Variants in DMXL1 observed in about 807,000 individuals in gnomAD.
DMXL1 encodes the protein dmX-like protein 1.
A neutral mutation model predicts 319.2 loss-of-function variants in DMXL1; 99 were observed. The observed-to-expected ratio is 0.31, with a 90% CI of 0.26 to 0.37. DMXL1 has a LOEUF of 0.37. DMXL1 is among the 10% of genes least tolerant of loss of function. The pLI is 1.00. For missense variants in DMXL1, 3,745 were observed against 3,595.6 expected, an observed-to-expected ratio of 1.04 and a Z score of -1.06; for synonymous variants, 1,385 against 1,235.2, an observed-to-expected ratio of 1.12 and a Z score of -2.54.
Position 119,149,877 on chromosome 5 carries a change from T to C in DMXL1, c.4050T>C (p.Val1350=), listed in dbSNP as rs1423778252. 4 of 1,613,810 alleles carry C rather than the reference T, an allele frequency of 2.5e-6. No homozygotes were observed. The African/African-American group carries it at 5.3e-5, about 22-fold the overall frequency. Residue 1350 remains valine, a synonymous_variant, in exon 18 of 44, where the codon GTT becomes GTC. Transcript: ENST00000539542. ...RRAKAILSHL[V]KCIAGEVVAL... is the part of the protein sequence containing the mutation. ...CCAAGGCCATCTTGTCCCATCTTGT[T>C]AAGTGCATTGCTGGGGAAGTTGTGG...
chr5:119,198,032 G>A (rs903881582), intron 32 of DMXL1, 76 bp downstream of exon 32: 81 of 1,414,076 alleles, frequency 5.7e-5, no homozygotes, highest in Middle Eastern at 3.6e-4. Flanking sequence ...TCTGTCATCC[G>A]GGCTGGAGTG....
chr5:119,235,278 A>G (rs1787536681), intron 39 of DMXL1, among the ~76,000 whole-genome samples: 1 of 152,204 alleles, frequency 6.6e-6, no homozygotes, highest in Admixed American at 6.6e-5. Context: ...CTAATTCCTC[A>G]GAGATTCAAG....
chr5:119,151,863 A>T (rs1426878621), intron 18 of DMXL1, 66 bp from the exon 19 acceptor site: 1 of 951,244 alleles, frequency 1.1e-6, no homozygotes, highest in East Asian at 2.4e-5. Flanking sequence ...TTATATGCCT[A>T]TATTGGGTGT....
chr5:119,193,010 A>G (rs562594503), intron 29 of DMXL1, among the ~76,000 whole-genome samples: 1 of 152,066 alleles, frequency 6.6e-6, no homozygotes, highest in Non-Finnish European at 1.5e-5. Flanking sequence ...TAAATCTACT[A>G]CTTGTCTCTA....
intron 13 of DMXL1, chr5:119,138,732 G>A (rs1561692946): frequency 6.6e-6 from 1 of 152,188 alleles, no homozygotes. Context: ...AGCTACCTGG[G>A]AGGCTGAGGC....
At chr5:119,110,032 A>C (rs1039907466) in intron 4 of DMXL1, 119 bp from the exon 5 acceptor site, 28 of 878,610 alleles carry the variant, frequency 3.2e-5, no homozygotes, top group Non-Finnish European at 4.8e-5. Context: ...TCCGTTCTTC[A>C]AAATTTTTTT....
intron 1 of DMXL1, among the ~76,000 whole-genome samples, chr5:119,076,136 T>G (rs1580538587): frequency 1.3e-5 from 2 of 152,304 alleles, no homozygotes; most frequent in South Asian, 4.1e-4. Flanking sequence ...CTTAAACATC[T>G]TAGCTATGGG....
At position 119,155,446 on chromosome 5, in the gene DMXL1, C is replaced by T. The variant is rs541214746; in HGVS notation, c.4702+3410C>T. ...GATGACTTTGAGAGGTTCAAGACTTCAGTAGAGGAAGTAATTGCAGATACG... is the reference window on the plus strand; with the variant it reads ...GATGACTTTGAGAGGTTCAAGACTTTAGTAGAGGAAGTAATTGCAGATACG... On this transcript the variant is annotated intron_variant, in intron 19 of 43. Coordinates refer to ENST00000539542, the MANE Select transcript of DMXL1 (RefSeq NM_001290321.3). Among the ~76,000 whole-genome samples the T allele has an allele frequency of 1.2e-3, 185 of 152,160 alleles. 7 individuals carry two copies. The South Asian group carries it at 0.035, about 29-fold the overall frequency.
chr5:119,220,671 AT>A, intron 36 of DMXL1, 78 bp downstream of exon 36: 1 of 1,526,552 alleles, frequency 6.6e-7, no homozygotes, highest in Non-Finnish European at 8.9e-7. Context: ...CTTTCAAAAG[AT>A]TCTTTAAAGC....
At chr5:119,241,214 T>G (rs1212200105) in intron 42 of DMXL1, among the ~76,000 whole-genome samples, 1 of 152,168 alleles carries the variant, frequency 6.6e-6, no homozygotes, top group Non-Finnish European at 1.5e-5. Flanking sequence ...TTGTAAAGTT[T>G]ATGTCATCTG....
At chr5:119,175,403 T>C in intron 26 of DMXL1, 66 bp downstream of exon 26, 1 of 1,173,546 alleles carries the variant, frequency 8.5e-7, no homozygotes, top group South Asian at 1.3e-5. Flanking sequence ...ATTTTGTATG[T>C]TAGTGGTTTA....
In DMXL1 at chr5:119,171,885, G is replaced by A. The variant is rs757854129; in HGVS notation, c.6597G>A (p.Leu2199=). 1 of 1,613,692 alleles carries A rather than the reference G, an allele frequency of 6.2e-7. No individual in the cohort carries two copies. The highest frequency in any genetic ancestry group is 1.7e-5 in the Admixed American group (1 of 59,990). ...AAACAGTAGTTGCCAATCCATTATT[G>A]CACCTTAGTAATCTGACACATGATA... The part of the protein sequence containing the change: ...NAKTVVANPL[L]HLSNLTHDIL... Residue 2199 remains leucine, a synonymous_variant, in exon 25 of 44, where the codon TTG becomes TTA. Coordinates refer to ENST00000539542, the MANE Select transcript of DMXL1 (RefSeq NM_001290321.3).
At chr5:119,197,728 T>G (rs1210926714) in intron 31 of DMXL1, 27 bp from the exon 32 acceptor site, 29 of 1,607,440 alleles carry the variant, frequency 1.8e-5, no homozygotes, top group Non-Finnish European at 2.5e-5. Context: ...TGCATAAGAT[T>G]AATATGAGTC....
Position 119,233,557 on chromosome 5 carries a change from G to A in DMXL1, c.8466+90G>A, listed in dbSNP as rs562759945. On this transcript the variant is annotated intron_variant, in intron 39 of 43. Coordinates refer to ENST00000539542, the MANE Select transcript of DMXL1 (RefSeq NM_001290321.3). ...TTGGGTTTCTGAAAAGAACAGCTCC[G>A]TGGGTAGTAGTAAAGTATTGATCTA... 62 of 1,001,326 alleles carry A rather than the reference G, an allele frequency of 6.2e-5. No homozygotes were observed. In the Admixed American group the frequency reaches 6.3e-4, roughly 10 times the overall value. 62.0% of individuals were successfully genotyped at this position (1,001,326 alleles called of 1,614,324 possible).
chr5:119,217,593 T>C (rs1455026384), intron 35 of DMXL1, among the ~76,000 whole-genome samples: 1 of 152,180 alleles, frequency 6.6e-6, no homozygotes, highest in African/African-American at 2.4e-5. Context: ...AGTTATTCTT[T>C]TGTTTTCCTT....
At chr5:119,246,547 G>A (rs1233807190) in intron 43 of DMXL1, among the ~76,000 whole-genome samples, 2 of 151,720 alleles carry the variant, frequency 1.3e-5, no homozygotes, top group Non-Finnish European at 2.9e-5. Context: ...GGCCTACACA[G>A]ATTTTTCTCT....
At chr5:119,174,065 A>G (rs1775297234) in intron 25 of DMXL1, among the ~76,000 whole-genome samples, 1 of 151,800 alleles carries the variant, frequency 6.6e-6, no homozygotes, top group African/African-American at 2.4e-5. Context: ...GATGCGAGTT[A>G]CTCAGCCTTT....
At chr5:119,105,152 T>C in intron 3 of DMXL1, 28 bp from the exon 4 acceptor site, 1 of 1,444,326 alleles carries the variant, frequency 6.9e-7, no homozygotes. Flanking sequence ...CCAATCATAA[T>C]GGGCTAAATG....
At chr5:119,141,223 C>G (rs1219584811) in intron 13 of DMXL1, among the ~76,000 whole-genome samples, 1 of 152,162 alleles carries the variant, frequency 6.6e-6, no homozygotes, top group African/African-American at 2.4e-5. Context: ...CTTGCCACTC[C>G]TATTCAGCAT....
Sources: gnomAD v4.1 joint callset for allele counts (sites outside exome capture counted in the v4.1 genomes callset) on GRCh38, gnomAD v4.1.1 for gene constraint, MANE v1.5 for transcripts, NCBI Gene and HGNC (gene_info 2026-07-23, HGNC 2026-07-21) for gene names.